The following ERC1 variants were observed in gnomAD, a reference collection of about 807,000 sequenced individuals.
ERC1 encodes the protein ELKS/RAB6-interacting/CAST family member 1, also known as RAB6 interacting protein 2.
A neutral mutation model predicts 132.0 loss-of-function variants in ERC1; 56 were observed. The ratio of observed to expected loss-of-function variants is 0.42; its 90% CI spans 0.34 to 0.53. The LOEUF (loss-of-function observed/expected upper bound fraction) is 0.53, where lower values mean the gene tolerates loss of function less well. ERC1 is among the 20% of genes least tolerant of loss of function. The pLI is 0.03. For synonymous variants in ERC1, 478 were observed against 476.1 expected, an observed-to-expected ratio of 1.00 and a Z score of -0.05; for missense variants, 1,202 against 1,349.9, an observed-to-expected ratio of 0.89 and a Z score of 1.72.
chr12:1,065,500 G>A (rs1593060854), intron 2 of ERC1, among the ~76,000 whole-genome samples: 1 of 142,632 alleles, frequency 7.0e-6, no homozygotes, highest in African/African-American at 2.5e-5. Context: ...GTGTGTGTGT[G>A]TGTGTGTGTG....
At chr12:1,094,885 T>A (rs1188477119) in intron 3 of ERC1, among the ~76,000 whole-genome samples, 2 of 152,158 alleles carry the variant, frequency 1.3e-5, no homozygotes, top group Admixed American at 6.5e-5. Context: ...TTACCCTCCC[T>A]TCTTTTTTAT....
chr12:1,382,726 A>T (rs1294415711), intron 16 of ERC1, among the ~76,000 whole-genome samples: 5 of 152,272 alleles, frequency 3.3e-5, no homozygotes, highest in Non-Finnish European at 7.3e-5. Context: ...TGACATTAAG[A>T]GTTTAAAAAG....
At chr12:1,170,752 T>G (rs1438906351) in intron 8 of ERC1, among the ~76,000 whole-genome samples, 1 of 152,186 alleles carries the variant, frequency 6.6e-6, no homozygotes, top group Non-Finnish European at 1.5e-5. Context: ...AGGCCCCTAG[T>G]TCCATGATCT....
At chr12:1,329,429 CCTT>C (rs2082709422) in intron 15 of ERC1, among the ~76,000 whole-genome samples, 1 of 119,458 alleles carries the variant, frequency 8.4e-6, no homozygotes, top group South Asian at 2.8e-4. Context: ...TTAATAATGA[CCTT>C]CTATCCCTAT....
intron 17 of ERC1, among the ~76,000 whole-genome samples, chr12:1,439,485 A>G (rs1229700472): frequency 1.3e-5 from 2 of 152,248 alleles, no homozygotes; most frequent in Admixed American, 1.3e-4. Flanking sequence ...CAAAGCTCTT[A>G]GTACTTAACC....
chr12:1,129,035 G>A (rs1372287552), intron 7 of ERC1, among the ~76,000 whole-genome samples: 1 of 152,266 alleles, frequency 6.6e-6, no homozygotes, highest in African/African-American at 2.4e-5. Context: ...TAAAGAGAAT[G>A]GGAGGCAATC....
intron 15 of ERC1, among the ~76,000 whole-genome samples, chr12:1,331,010 T>C (rs1472893489): frequency 2.0e-5 from 3 of 152,228 alleles, no homozygotes. Flanking sequence ...TTAAATTTTT[T>C]ATTGGAGTGT....
At chr12:1,311,857 T>C (rs2081332886) in intron 15 of ERC1, among the ~76,000 whole-genome samples, 1 of 152,252 alleles carries the variant, frequency 6.6e-6, no homozygotes, top group African/African-American at 2.4e-5. Context: ...TTTCACCAGC[T>C]GGATGATAGG....
chr12:1,256,394 ACT>A lies in ERC1; in HGVS notation c.2488-6637_2488-6636del, dbSNP rs1289002740. 3.7e-4 allele frequency among the ~76,000 whole-genome samples: 55 copies of A among 148,394 alleles called. 1 individual carries two copies. The highest frequency in any genetic ancestry group is 1.3e-3 in the African/African-American group (51 of 40,244). ...GTCTTTATTCAGTGGGGGCCAATAG[ACT>A]CTGAGTATTTCGTTCTCAGACTAAA... On this transcript the variant is annotated intron_variant, in intron 13 of 18. Coordinates refer to ENST00000360905, the MANE Select transcript of ERC1 (RefSeq NM_178040.4).
chr12:1,405,172 T>TAAAC (rs933159033), intron 16 of ERC1, among the ~76,000 whole-genome samples: 9 of 146,130 alleles, frequency 6.2e-5, no homozygotes, highest in Non-Finnish European at 1.2e-4. Flanking sequence ...AATAAATAAA[T>TAAAC]AAATAAATAT....
intron 12 of ERC1, among the ~76,000 whole-genome samples, chr12:1,225,735 A>C (rs931266827): frequency 1.3e-5 from 2 of 152,192 alleles, no homozygotes; most frequent in Non-Finnish European, 2.9e-5. Context: ...TATTTATTCC[A>C]CATGTCATAA....
chr12:1,421,378 A>G (rs1044291347), intron 17 of ERC1, among the ~76,000 whole-genome samples: 11 of 152,122 alleles, frequency 7.2e-5, no homozygotes, highest in Non-Finnish European at 1.5e-4. Flanking sequence ...CTCCCCAAGA[A>G]CTCAGAGGCT....
chr12:1,213,882 GA>G (rs1471739424), intron 12 of ERC1, among the ~76,000 whole-genome samples: 2 of 151,848 alleles, frequency 1.3e-5, no homozygotes, highest in African/African-American at 4.8e-5. Flanking sequence ...CAGCCTTGGT[GA>G]CAGAATGAGA....
chr12:1,028,748 C>T (rs1215750569), intron 2 of ERC1, among the ~76,000 whole-genome samples, 176 bp downstream of exon 2: 1 of 151,946 alleles, frequency 6.6e-6, no homozygotes, highest in African/African-American at 2.4e-5. Context: ...GGTCCTGTAC[C>T]CTGTTTTCTT....
chr12:1,376,803 A>T (rs1302602380), intron 16 of ERC1, among the ~76,000 whole-genome samples: 2 of 152,124 alleles, frequency 1.3e-5, no homozygotes, highest in Non-Finnish European at 1.5e-5. Flanking sequence ...AGAAAAGGGG[A>T]TCTATTTATA....
chr12:1,452,192 AT>A (rs144569330), intron 18 of ERC1, among the ~76,000 whole-genome samples: 9,934 of 149,480 alleles, frequency 0.066, 1,071 homozygotes, highest in African/African-American at 0.23. Flanking sequence ...GTTGACAGGG[AT>A]TTTTTTTTTC....
At position 1,470,441 on chromosome 12, in the gene ERC1, G is replaced by T. The variant is rs117978088; in HGVS notation, c.3214-19652G>T. ...TTCTTATTAGTTGTTTGGGTTTGGG[G>T]TTTTTTTTGTTTTTTTTTTTTCTTC... On this transcript the variant is annotated intron_variant, in intron 18 of 18. Coordinates refer to ENST00000360905, the MANE Select transcript of ERC1 (RefSeq NM_178040.4). 7.1e-4 allele frequency among the ~76,000 whole-genome samples: 107 copies of T among 150,046 alleles called. 2 individuals are homozygous for T. In the East Asian group the frequency reaches 9.0e-3, roughly 13 times the overall value.
At chr12:1,091,847 G>A (rs375206870) in intron 3 of ERC1, among the ~76,000 whole-genome samples, 4 of 152,104 alleles carry the variant, frequency 2.6e-5, no homozygotes, top group Non-Finnish European at 4.4e-5. Flanking sequence ...GGGGAATGGG[G>A]ACTTGAAATG....
At chr12:1,066,646 G>T (rs969542721) in intron 2 of ERC1, among the ~76,000 whole-genome samples, 2 of 152,100 alleles carry the variant, frequency 1.3e-5, no homozygotes, top group African/African-American at 4.8e-5. Context: ...AGACCAGCCT[G>T]GCCAACATGG....
Sources: gnomAD v4.1 joint callset for allele counts (sites outside exome capture counted in the v4.1 genomes callset) on GRCh38, gnomAD v4.1.1 for gene constraint, MANE v1.5 for transcripts, NCBI Gene and HGNC (gene_info 2026-07-23, HGNC 2026-07-21) for gene names.